The following TSPY1 variants were observed in gnomAD, a reference collection of about 807,000 sequenced individuals.
TSPY1 encodes the protein testis specific protein Y-linked 1, also known as testis-specific Y-encoded protein 1.
At chrY:9,469,004 A>T in intron 5 of TSPY1, among the ~76,000 whole-genome samples, 158 bp downstream of exon 5, 3 of 32,269 alleles carry the variant, frequency 9.3e-5, no homozygotes, top group Non-Finnish European at 2.3e-4. Flanking sequence ...AGAGTGACAG[A>T]ATCCAGGACG....
Sources: allele counts gnomAD v4.1 joint callset (sites outside exome capture counted in the v4.1 genomes callset), GRCh38; gene constraint gnomAD v4.1.1; transcripts MANE v1.5; gene names NCBI Gene and HGNC (gene_info 2026-07-23, HGNC 2026-07-21).